Variants in SPATA46 observed in about 807,000 individuals in gnomAD.
SPATA46 encodes the protein spermatogenesis-associated protein 46.
SPATA46 carries 3 observed loss-of-function variants against 6.2 expected under a neutral mutation model. That is an observed-to-expected ratio of 0.48 (90% confidence interval 0.22 to 1.25). SPATA46 has a LOEUF of 1.25. Among genes scored for constraint, SPATA46 ranks in the 50% most tolerant of loss-of-function variants. The probability of loss-of-function intolerance (pLI) is 0.20; values close to 1 mark genes in which losing one functional copy is unlikely to be tolerated. For synonymous variants in SPATA46, 117 were observed against 123.3 expected, an observed-to-expected ratio of 0.95 and a Z score of 0.34; for missense variants, 308 against 323.5, an observed-to-expected ratio of 0.95 and a Z score of 0.37.
chr1:162,374,059 A>G lies in SPATA46; in HGVS notation c.775T>C (p.Leu259=). Residue 259 remains leucine, a synonymous_variant, in exon 3 of 3, where the codon TTA becomes CTA. Coordinates refer to ENST00000367935, the MANE Select transcript of SPATA46 (RefSeq NM_182581.4). ...HLRQIGGEAY[L]CL ...TTATTGGCATCTCTCTAGAGACATA[A>G]GTAGGCTTCACCGCCAATTTGCCTA... 1 of 1,605,884 alleles carries G rather than the reference A, an allele frequency of 6.2e-7. No homozygotes were observed. The highest frequency in any genetic ancestry group is 1.1e-5 in the South Asian group (1 of 89,498).
At position 162,373,461 on chromosome 1, in the gene SPATA46, G is replaced by A. The variant is rs1243124729; in HGVS notation, c.*587C>T. The A allele has an allele frequency of 6.6e-6, 1 of 152,188 alleles. No homozygotes were observed. The highest frequency in any genetic ancestry group is 1.5e-5 in the Non-Finnish European group (1 of 68,064). 9.4% of individuals were successfully genotyped at this position (152,188 alleles called of 1,614,324 possible). On this transcript the variant is annotated 3_prime_UTR_variant, in exon 3 of 3. Transcript: ENST00000367935. ...GCTGTTCTAAGTGAATGATGGTAGT[G>A]CCTGAGAGCTCAGTCCCGGGTGAGC...
chr1:162,374,669 G>C, intron 2 of SPATA46, 53 bp from the exon 3 acceptor site: 1 of 1,527,196 alleles, frequency 6.5e-7, no homozygotes, highest in Non-Finnish European at 8.8e-7. Flanking sequence ...GTGGAGCCAA[G>C]GATGCTGGAG....
intron 1 of SPATA46, 40 bp downstream of exon 1, chr1:162,376,648 A>G: frequency 6.4e-7 from 1 of 1,572,702 alleles, no homozygotes. Flanking sequence ...AGCTTCAAAA[A>G]AAACCACATC....
At position 162,376,488 on chromosome 1, in the gene SPATA46, C is replaced by G. The variant is rs1360729972; in HGVS notation, c.103+200G>C. 3 of 554,726 alleles carry G rather than the reference C, an allele frequency of 5.4e-6. No individual in the cohort carries two copies. In the South Asian group the frequency reaches 7.2e-5, roughly 13 times the overall value. The allele number at this position is 554,726 out of a possible 1,614,324, so 34.4% of individuals were successfully genotyped here. ...TCTCAAAAAAAAAAAAAAAGTTTTC[C>G]CCTTTCTTCCCTTACCAAAAATCAA... is the stretch of plus-strand genomic sequence containing the variant. On this transcript the variant is annotated intron_variant, in intron 1 of 2. Transcript: ENST00000367935.
chr1:162,375,189 TG>T, intron 2 of SPATA46, 100 bp downstream of exon 2: 5 of 1,019,734 alleles, frequency 4.9e-6, no homozygotes, highest in Non-Finnish European at 7.6e-6. Context: ...AGACCGCGCA[TG>T]GGGGTCCAGC....
chr1:162,375,787 C>G (rs1406026138), intron 1 of SPATA46, among the ~76,000 whole-genome samples: 1 of 152,136 alleles, frequency 6.6e-6, no homozygotes, highest in Non-Finnish European at 1.5e-5. Context: ...TGTTCCATGC[C>G]CGCTTTGAGG....
At chr1:162,376,648 A>C (rs1647682192) in intron 1 of SPATA46, 40 bp downstream of exon 1, 2 of 1,572,584 alleles carry the variant, frequency 1.3e-6, no homozygotes, top group African/African-American at 2.7e-5. Flanking sequence ...AGCTTCAAAA[A>C]AAACCACATC....
Position 162,376,813 on chromosome 1 carries a change from A to G in SPATA46, c.-23T>C. 6.2e-7 allele frequency: 1 copy of G among 1,612,484 alleles called. No individual in the cohort carries two copies. The highest frequency in any genetic ancestry group is 1.3e-5 in the African/African-American group (1 of 75,038). Reference sequence around the variant, plus strand: ...CATATTCTGACCACTGCGGGGGTACAGAGATCACACGCCTGCTCTGGAGAG... The same window carrying G: ...CATATTCTGACCACTGCGGGGGTACGGAGATCACACGCCTGCTCTGGAGAG... On this transcript the variant is annotated 5_prime_UTR_variant, in exon 1 of 3. Coordinates refer to ENST00000367935, the MANE Select transcript of SPATA46 (RefSeq NM_182581.4).
chr1:162,373,752 C>T lies in SPATA46; in HGVS notation c.*296G>A, dbSNP rs77361933. The T allele has an allele frequency of 2.7e-3, 764 of 280,094 alleles. 16 individuals carry two copies. In the East Asian group the frequency reaches 0.04, roughly 15 times the overall value. 17.4% of individuals were successfully genotyped at this position (280,094 alleles called of 1,614,324 possible). A position where few individuals can be genotyped will look rare whatever the true frequency, so the allele number is the denominator to read the frequency against. On this transcript the variant is annotated 3_prime_UTR_variant, in exon 3 of 3. Coordinates refer to ENST00000367935, the MANE Select transcript of SPATA46 (RefSeq NM_182581.4). ...CTGGAGGGCTGGTTAGGACATAGAC[C>T]GCCAGCCCCAGACCCATAGTTTCTG...
At chr1:162,376,011 CATTTTACT>C (rs1375054363) in intron 1 of SPATA46, among the ~76,000 whole-genome samples, 1 of 152,192 alleles carries the variant, frequency 6.6e-6, no homozygotes, top group Non-Finnish European at 1.5e-5. Flanking sequence ...AGTACTTCTC[CATTTTACT>C]GTGCATAGAG....
In SPATA46 at chr1:162,374,040, G is replaced by A; in HGVS notation, c.*8C>T. On this transcript the variant is annotated 3_prime_UTR_variant, in exon 3 of 3. Coordinates refer to ENST00000367935, the MANE Select transcript of SPATA46 (RefSeq NM_182581.4). ...CAGAAGGCTGTGACTAACTTTATTGGCATCTCTCTAGAGACATAAGTAGGC... is the reference window on the plus strand; with the variant it reads ...CAGAAGGCTGTGACTAACTTTATTGACATCTCTCTAGAGACATAAGTAGGC... The A allele has an allele frequency of 6.3e-7, 1 of 1,578,870 alleles. No individual in the cohort carries two copies. The highest frequency in any genetic ancestry group is 8.6e-7 in the Non-Finnish European group (1 of 1,160,852).
Position 162,374,543 on chromosome 1 carries a change from G to A in SPATA46, c.291C>T (p.Ser97=), listed in dbSNP as rs766749186. The A allele has an allele frequency of 6.2e-7, 1 of 1,614,224 alleles. No individual in the cohort carries two copies. The highest frequency in any genetic ancestry group is 8.5e-7 in the Non-Finnish European group (1 of 1,180,036). The change falls in exon 3 of 3, where the codon TCC becomes TCT. Residue 97 remains serine, a synonymous_variant. Coordinates refer to ENST00000367935, the MANE Select transcript of SPATA46 (RefSeq NM_182581.4). The stretch of plus-strand genomic sequence containing the variant: ...CTGCACACACGAAGTAGCTGTAGGG[G>A]GAGAACCAGGGCCGGTAGATAGTGC... The part of the protein sequence containing the change: ...RNCTIYRPWF[S]PYSYFVCADK...
In SPATA46 at chr1:162,374,108, G is replaced by A; in HGVS notation, c.726C>T (p.Ala242=). 6.2e-7 allele frequency: 1 copy of A among 1,614,112 alleles called. No individual in the cohort carries two copies. Among genetic ancestry groups the A allele is most frequent in the South Asian group, 1.1e-5 (1 of 91,052 alleles). ...GDRLSSGSCQ[A]FNSPAEHLRQ... is the part of the protein sequence containing the mutation. ...TAAGGTGTTCAGCAGGACTATTGAAGGCCTGGCAGCTGCCGGAGGAGAGCC... is the reference window on the plus strand; with the variant it reads ...TAAGGTGTTCAGCAGGACTATTGAAAGCCTGGCAGCTGCCGGAGGAGAGCC... Residue 242 remains alanine, a synonymous_variant, in exon 3 of 3, where the codon GCC becomes GCT. Coordinates refer to ENST00000367935, the MANE Select transcript of SPATA46 (RefSeq NM_182581.4).
In SPATA46 at chr1:162,373,334, T is replaced by G. The variant is rs1647488730; in HGVS notation, c.*714A>C. The G allele has an allele frequency of 6.6e-6, 1 of 152,098 alleles. No individual in the cohort carries two copies. Among genetic ancestry groups the G allele is most frequent in the African/African-American group, 2.4e-5 (1 of 41,406 alleles). The allele number at this position is 152,098 out of a possible 1,614,324, so 9.4% of individuals were successfully genotyped here. A position where few individuals can be genotyped will look rare whatever the true frequency, so the allele number is the denominator to read the frequency against. On this transcript the variant is annotated 3_prime_UTR_variant, in exon 3 of 3. Transcript: ENST00000367935. ...CACATTACTTGGTAACAGGAAGCAA[T>G]AGGTTCCCATGTTTACCTGCCTATT...
In SPATA46 at chr1:162,374,025, T is replaced by C; in HGVS notation, c.*23A>G. ...TGACCTCAGACTGGACAGAAGGCTG[T>C]GACTAACTTTATTGGCATCTCTCTA... On this transcript the variant is annotated 3_prime_UTR_variant, in exon 3 of 3. Coordinates refer to ENST00000367935, the MANE Select transcript of SPATA46 (RefSeq NM_182581.4). 6.4e-7 allele frequency: 1 copy of C among 1,566,746 alleles called. No individual in the cohort carries two copies. The highest frequency in any genetic ancestry group is 8.7e-7 in the Non-Finnish European group (1 of 1,154,392).
intron 1 of SPATA46, 72 bp from the exon 2 acceptor site, chr1:162,375,475 A>G: frequency 6.7e-6 from 8 of 1,189,352 alleles, no homozygotes; most frequent in African/African-American, 1.5e-5. Context: ...CCCCAGGCAT[A>G]CCTAGGGGCT....
rs774049360 is a variant in SPATA46 at position 162,374,003 on chromosome 1, C to T, written c.*45G>A. On this transcript the variant is annotated 3_prime_UTR_variant, in exon 3 of 3. Coordinates refer to ENST00000367935, the MANE Select transcript of SPATA46 (RefSeq NM_182581.4). ...AAGGACAGCAGGCTGTGCGGGGTGA[C>T]CTCAGACTGGACAGAAGGCTGTGAC... is the stretch of plus-strand genomic sequence containing the variant. 1 of 1,541,776 alleles carries T rather than the reference C, an allele frequency of 6.5e-7. No homozygotes were observed. The highest frequency in any genetic ancestry group is 8.8e-7 in the Non-Finnish European group (1 of 1,140,486).
chr1:162,374,883 C>T (rs1647595003), intron 2 of SPATA46, among the ~76,000 whole-genome samples: 3 of 152,122 alleles, frequency 2.0e-5, no homozygotes, highest in Admixed American at 2.0e-4. Flanking sequence ...TGGTATTTGT[C>T]GAGGCCTTCC....
intron 2 of SPATA46, 43 bp from the exon 3 acceptor site, chr1:162,374,659 G>C: frequency 6.5e-7 from 1 of 1,548,916 alleles, no homozygotes; most frequent in Non-Finnish European, 8.7e-7. Context: ...GCAGGGAGCA[G>C]TGGAGCCAAG....
Sources: allele counts gnomAD v4.1 joint callset (sites outside exome capture counted in the v4.1 genomes callset), GRCh38; gene constraint gnomAD v4.1.1; transcripts MANE v1.5; gene names NCBI Gene and HGNC (gene_info 2026-07-23, HGNC 2026-07-21).